Variants in ZNF385D observed in about 807,000 individuals in gnomAD.
ZNF385D encodes zinc finger protein 659.
In ZNF385D, 15 loss-of-function variants were observed where a neutral mutation model predicts 35.8. That is an observed-to-expected ratio of 0.42 (90% CI 0.28 to 0.64). The LOEUF is 0.64. Among genes scored for constraint, ZNF385D ranks in the 30% least tolerant of loss-of-function variants. ZNF385D has a pLI of 0.23. For synonymous variants in ZNF385D, 212 were observed against 186.8 expected (o/e 1.13, Z -1.10); for missense variants, 474 against 494.6 (o/e 0.96, Z 0.39).
At chr3:21,768,842 A>G (rs548054452) in intron 3 of ZNF385D, among the ~76,000 whole-genome samples, 139 of 151,810 alleles carry the variant, frequency 9.2e-4, no homozygotes, top group African/African-American at 3.2e-3. Context: ...ATCAGCAACC[A>G]TTTTTTCCCT....
At chr3:21,832,459 G>A (rs1262500490) in intron 3 of ZNF385D, among the ~76,000 whole-genome samples, 1 of 152,152 alleles carries the variant, frequency 6.6e-6, no homozygotes, top group Non-Finnish European at 1.5e-5. Flanking sequence ...CTAATAGGGT[G>A]TCATACATTC....
chr3:21,511,046 C>A, intron 3 of ZNF385D, 23 bp from the exon 4 acceptor site: 1 of 1,613,298 alleles, frequency 6.2e-7, no homozygotes, highest in Non-Finnish European at 8.5e-7. Flanking sequence ...ACAAAATGAA[C>A]CATGCAATCA....
intron 2 of ZNF385D, among the ~76,000 whole-genome samples, chr3:21,584,093 C>A (rs1183046497): frequency 6.6e-6 from 1 of 151,976 alleles, no homozygotes; most frequent in African/African-American, 2.4e-5. Flanking sequence ...CCTGCCTCAG[C>A]CTCCCTAGTA....
At chr3:22,123,922 A>AGCTCTCTCTC (rs1703251057) in intron 3 of ZNF385D, among the ~76,000 whole-genome samples, 1 of 80,264 alleles carries the variant, frequency 1.2e-5, no homozygotes, top group African/African-American at 5.1e-5. Context: ...GCTAGACTCC[A>AGCTCTCTCTC]TCTCTCTCTC....
intron 2 of ZNF385D, among the ~76,000 whole-genome samples, chr3:22,218,074 T>C (rs1698005892): frequency 6.6e-6 from 1 of 152,128 alleles, no homozygotes; most frequent in African/African-American, 2.4e-5. Flanking sequence ...TGTCTTGACT[T>C]ATCTTGGTTA....
intron 2 of ZNF385D, 120 bp downstream of exon 2, chr3:21,664,766 A>T (rs1575422007): frequency 1.5e-6 from 2 of 1,363,468 alleles, no homozygotes; most frequent in Non-Finnish European, 2.1e-6. Context: ...TATGGCTTCT[A>T]GACAAACCAT....
intron 2 of ZNF385D, among the ~76,000 whole-genome samples, chr3:22,238,744 T>A (rs1005849073): frequency 4.7e-5 from 7 of 150,476 alleles, no homozygotes; most frequent in African/African-American, 1.7e-4. Flanking sequence ...ATATATAGAT[T>A]TTTTTTTAGA....
chr3:21,890,770 G>C (rs1001470024), intron 3 of ZNF385D, among the ~76,000 whole-genome samples: 3 of 152,198 alleles, frequency 2.0e-5, no homozygotes, highest in African/African-American at 7.2e-5. Flanking sequence ...CAGAAGAATT[G>C]CTGATGGGAA....
chr3:22,110,555 G>T lies in ZNF385D; in HGVS notation c.325+58262C>A, dbSNP rs151208451. On this transcript the variant is annotated intron_variant, in intron 3 of 5. Transcript: ENST00000494108. The stretch of plus-strand genomic sequence containing the variant: ...TCACAAGGACAAAAAACCAAACACC[G>T]CATGTTCTCACTCATAGATGGGAAT... Among the ~76,000 whole-genome samples the T allele has an allele frequency of 4.0e-3, 609 of 151,784 alleles. 7 individuals carry two copies. The highest frequency in any genetic ancestry group is 0.013 in the African/African-American group (540 of 41,362).
chr3:22,005,241 C>T (rs1319010713), intron 3 of ZNF385D, among the ~76,000 whole-genome samples: 4 of 151,804 alleles, frequency 2.6e-5, no homozygotes, highest in Admixed American at 1.3e-4. Context: ...GAGATAGCAT[C>T]TTATCCTAGT....
At chr3:22,130,467 C>T (rs767460472) in intron 3 of ZNF385D, among the ~76,000 whole-genome samples, 2 of 152,138 alleles carry the variant, frequency 1.3e-5, no homozygotes, top group Non-Finnish European at 2.9e-5. Context: ...GCTAGAACTC[C>T]AGTTCTGATA....
chr3:21,531,062 A>G (rs1189658433), intron 3 of ZNF385D, among the ~76,000 whole-genome samples: 5 of 152,204 alleles, frequency 3.3e-5, no homozygotes. Context: ...TTCATAATAC[A>G]TGATAGCTAT....
intron 3 of ZNF385D, among the ~76,000 whole-genome samples, chr3:22,085,660 G>A (rs1212521811): frequency 1.3e-5 from 2 of 152,042 alleles, no homozygotes; most frequent in Non-Finnish European, 2.9e-5. Context: ...AAGAGGAGCT[G>A]GTACCATTTC....
chr3:21,676,472 G>C (rs1575442540), intron 1 of ZNF385D, among the ~76,000 whole-genome samples: 1 of 152,012 alleles, frequency 6.6e-6, no homozygotes, highest in South Asian at 2.1e-4. Flanking sequence ...TGTAGTAATT[G>C]TGGAATCCCA....
At chr3:21,705,673 G>T (rs189088808) in intron 1 of ZNF385D, among the ~76,000 whole-genome samples, 2 of 152,252 alleles carry the variant, frequency 1.3e-5, no homozygotes, top group African/African-American at 4.8e-5. Flanking sequence ...ACTTGTCCAT[G>T]GTCATATGAT....
At chr3:22,089,634 T>A (rs1489293185) in intron 3 of ZNF385D, among the ~76,000 whole-genome samples, 1 of 152,146 alleles carries the variant, frequency 6.6e-6, no homozygotes, top group Non-Finnish European at 1.5e-5. Context: ...TGCACCTTCC[T>A]CAGTGAGGTT....
intron 4 of ZNF385D, among the ~76,000 whole-genome samples, chr3:21,442,075 T>G (rs1209887306): frequency 6.6e-6 from 1 of 152,306 alleles, no homozygotes; most frequent in Admixed American, 6.5e-5. Flanking sequence ...AGTGGCCCAT[T>G]TGTGACCTTC....
intron 3 of ZNF385D, among the ~76,000 whole-genome samples, chr3:21,900,245 C>A (rs1042203721): frequency 1.3e-5 from 2 of 152,070 alleles, no homozygotes; most frequent in Non-Finnish European, 2.9e-5. Context: ...GTTGGAGCCA[C>A]GTCTCACCTT....
intron 4 of ZNF385D, among the ~76,000 whole-genome samples, chr3:21,492,815 A>ATAAC (rs1438910767): frequency 2.0e-5 from 3 of 151,476 alleles, no homozygotes; most frequent in Non-Finnish European, 4.4e-5. Context: ...AAATAAATAA[A>ATAAC]TTTTGGCAGG....
Sources: allele counts gnomAD v4.1 joint callset (sites outside exome capture counted in the v4.1 genomes callset), GRCh38; gene constraint gnomAD v4.1.1; transcripts MANE v1.5; gene names NCBI Gene and HGNC (gene_info 2026-07-23, HGNC 2026-07-21).